The following PCDHGA1 variants were observed in gnomAD, a reference collection of about 807,000 sequenced individuals.
The protein encoded by PCDHGA1 is protocadherin gamma-A1.
Under a neutral mutation model 58.0 loss-of-function variants are expected in PCDHGA1, and 32 were observed. The observed-to-expected ratio is 0.55, with a 90% CI of 0.42 to 0.74. The LOEUF (loss-of-function observed/expected upper bound fraction) is 0.74, where lower values mean the gene tolerates loss of function less well. PCDHGA1 is among the 30% of genes least tolerant of loss of function. PCDHGA1 has a pLI of 0.00. For synonymous variants in PCDHGA1, 498 were observed against 501.1 expected, an observed-to-expected ratio of 0.99 and a Z score of 0.08; for missense variants, 1,205 against 1,182.3, an observed-to-expected ratio of 1.02 and a Z score of -0.28.
At chr5:141,365,292 C>T in intron 1 of PCDHGA1, 1 of 1,614,002 alleles carries the variant, frequency 6.2e-7, no homozygotes, top group Non-Finnish European at 8.5e-7. Flanking sequence ...GAAGTGGTAG[C>T]TCAGGATGGA....
intron 1 of PCDHGA1, chr5:141,427,690 T>TC (rs1331581287): frequency 2.3e-6 from 2 of 881,240 alleles, no homozygotes; most frequent in Non-Finnish European, 3.7e-6. Context: ...GGAGCCTCCA[T>TC]CCCACAAGTC....
At chr5:141,367,851 G>C (rs149342716) in intron 1 of PCDHGA1, 1 of 151,844 alleles carries the variant, frequency 6.6e-6, no homozygotes, top group Admixed American at 6.6e-5. Flanking sequence ...CAATGTTAGC[G>C]TTTCTTTAAG....
chr5:141,421,227 C>T (rs1387397967), intron 1 of PCDHGA1: 1 of 1,587,020 alleles, frequency 6.3e-7, no homozygotes, highest in Non-Finnish European at 8.6e-7. Context: ...TAGAGCCTGC[C>T]ATGGCGAATC....
chr5:141,374,154 G>A (rs376984494), intron 1 of PCDHGA1: 19 of 1,611,790 alleles, frequency 1.2e-5, no homozygotes, highest in East Asian at 2.2e-5. Flanking sequence ...GGGACGCTGT[G>A]GGGGGCCGCG....
At position 141,477,626 on chromosome 5, in the gene PCDHGA1, G is replaced by A. The variant is rs201987467; in HGVS notation, c.2422-17181G>A. The A allele has an allele frequency of 1.9e-5, 31 of 1,614,052 alleles. No individual in the cohort carries two copies. The highest frequency in any genetic ancestry group is 2.5e-5 in the Non-Finnish European group (30 of 1,180,044). Reference sequence around the variant, plus strand: ...TCTCTTGGAGCAAGGAGCTGAAACCGGGCTAGTGGGTCGCTATTTCACAAT... The same window carrying A: ...TCTCTTGGAGCAAGGAGCTGAAACCAGGCTAGTGGGTCGCTATTTCACAAT... On this transcript the variant is annotated intron_variant, in intron 1 of 3. Transcript: ENST00000517417. This position sits in a 1 kb window ranked among gnomAD's most constrained non-coding sequence, Gnocchi z 4.9.
At chr5:141,357,391 AGGTTGGC>A in intron 1 of PCDHGA1, 1 of 1,614,230 alleles carries the variant, frequency 6.2e-7, no homozygotes, top group Non-Finnish European at 8.5e-7. Flanking sequence ...TGAAGGCAGC[AGGTTGGC>A]AGGTGTGCCT....
chr5:141,386,746 C>A (rs2090695980), intron 1 of PCDHGA1, among the ~76,000 whole-genome samples: 1 of 152,144 alleles, frequency 6.6e-6, no homozygotes, highest in Non-Finnish European at 1.5e-5. Context: ...GATCCTATGG[C>A]AGAACTACGG....
At chr5:141,385,591 T>C in intron 1 of PCDHGA1, 3 of 1,245,038 alleles carry the variant, frequency 2.4e-6, no homozygotes, top group Non-Finnish European at 3.0e-6. Context: ...TGTTCCAACC[T>C]ACTTTCTTAA....
At chr5:141,502,575 A>G (rs1314648955) in intron 2 of PCDHGA1, among the ~76,000 whole-genome samples, 2 of 152,208 alleles carry the variant, frequency 1.3e-5, no homozygotes, top group Admixed American at 1.3e-4. Context: ...CATTATAAAA[A>G]TATATTTTTA....
intron 1 of PCDHGA1, chr5:141,409,728 C>G (rs13184503): frequency 6.2e-7 from 1 of 1,613,134 alleles, no homozygotes; most frequent in Admixed American, 1.7e-5. Flanking sequence ...TCAGTGAGCG[C>G]GCAGAGCGGG....
intron 1 of PCDHGA1, among the ~76,000 whole-genome samples, chr5:141,484,419 A>G (rs978469951): frequency 1.3e-5 from 2 of 152,206 alleles, no homozygotes; most frequent in Non-Finnish European, 2.9e-5. Flanking sequence ...TCCTGTTACA[A>G]TGAGAACATG....
At chr5:141,422,664 C>T (rs2096662670) in intron 1 of PCDHGA1, 4 of 1,608,458 alleles carry the variant, frequency 2.5e-6, no homozygotes, top group Non-Finnish European at 3.4e-6. Flanking sequence ...CCGCCCTCGA[C>T]CCGGACAGCA....
At chr5:141,349,226 T>C (rs756786542) in intron 1 of PCDHGA1, among the ~76,000 whole-genome samples, 7 of 121,428 alleles carry the variant, frequency 5.8e-5, no homozygotes, top group Non-Finnish European at 9.7e-5. Flanking sequence ...CCCGCCACCA[T>C]GCCTGGATAA....
rs2099396190 is a variant in PCDHGA1 at position 141,476,685 on chromosome 5, G to A, written c.2422-18122G>A. On this transcript the variant is annotated intron_variant, in intron 1 of 3. Coordinates refer to ENST00000517417, the MANE Select transcript of PCDHGA1 (RefSeq NM_018912.3). This position sits in a 1 kb window ranked among gnomAD's most constrained non-coding sequence, Gnocchi z 7.6. ...CTTCGCGTGCAGACGCGGGAGGACA[G>A]CACCAAGTACGCGGAGCTGGTGTTG... 3.1e-6 allele frequency: 5 copies of A among 1,614,102 alleles called. No homozygotes were observed.
intron 3 of PCDHGA1, among the ~76,000 whole-genome samples, chr5:141,508,528 C>T (rs2099869454): frequency 6.6e-6 from 1 of 152,186 alleles, no homozygotes; most frequent in Admixed American, 6.5e-5. Context: ...AACCTCAGGG[C>T]ACCCCCCACG....
At chr5:141,384,071 CT>C in intron 1 of PCDHGA1, 1 of 1,603,192 alleles carries the variant, frequency 6.2e-7, no homozygotes. Context: ...GAAAACCTAC[CT>C]TTTAAATTAG....
chr5:141,357,033 C>T (rs1760437064), intron 1 of PCDHGA1: 2 of 1,614,068 alleles, frequency 1.2e-6, no homozygotes. Flanking sequence ...TACTCAAGTC[C>T]AGCGAGCCGG....
In PCDHGA1 at chr5:141,388,019, C is replaced by T. The variant is rs1218468252; in HGVS notation, c.2421+54914C>T. On this transcript the variant is annotated intron_variant, in intron 1 of 3. Transcript: ENST00000517417. ...TTCCCGAGGAAATGCCCAAGGGCTC[C>T]GTAGTGGGGAACCTCGCCACGGACC... 4.1e-6 allele frequency: 6 copies of T among 1,458,652 alleles called. 1 individual carries two copies. The highest frequency in any genetic ancestry group is 2.4e-4 in the Middle Eastern group (1 of 4,164). 90.4% of individuals were successfully genotyped at this position (1,458,652 alleles called of 1,614,324 possible). A position where few individuals can be genotyped will look rare whatever the true frequency, so the allele number is the denominator to read the frequency against.
chr5:141,476,726 C>T lies in PCDHGA1; in HGVS notation c.2422-18081C>T. On this transcript the variant is annotated intron_variant, in intron 1 of 3. Coordinates refer to ENST00000517417, the MANE Select transcript of PCDHGA1 (RefSeq NM_018912.3). This position sits in a 1 kb window ranked among gnomAD's most constrained non-coding sequence, Gnocchi z 7.6. ...GCTGGTGTTGGAGCGCGCCCTGGAC[C>T]GAGAACGGGAGCCTAGTCTCCAGTT... The T allele has an allele frequency of 6.2e-7, 1 of 1,614,116 alleles. No homozygotes were observed. The highest frequency in any genetic ancestry group is 8.5e-7 in the Non-Finnish European group (1 of 1,180,028).
Sources: gnomAD v4.1 joint callset for allele counts (sites outside exome capture counted in the v4.1 genomes callset) on GRCh38, gnomAD v4.1.1 for gene constraint, Gnocchi (gnomAD v3.1) non-coding constraint, MANE v1.5 for transcripts, NCBI Gene and HGNC (gene_info 2026-07-23, HGNC 2026-07-21) for gene names.